PIK3C2A: variants seen among roughly 807,000 people sequenced by gnomAD.
PIK3C2A encodes the protein phosphatidylinositol 4-phosphate 3-kinase C2 domain-containing subunit alpha.
PIK3C2A carries 97 observed loss-of-function variants against 204.5 expected under a neutral mutation model. The observed-to-expected ratio is 0.47, with a 90% CI of 0.40 to 0.56. PIK3C2A has a LOEUF of 0.56. Ranked by LOEUF, PIK3C2A falls within the 20% of genes least tolerant of loss-of-function variation. The pLI, the probability that PIK3C2A is intolerant of heterozygous loss-of-function variation, is 0.00. For synonymous variants in PIK3C2A, 653 were observed against 664.4 expected (o/e 0.98, Z 0.26); for missense variants, 1,735 against 1,969.2 (o/e 0.88, Z 2.25).
At position 17,088,339 on chromosome 11, in the gene PIK3C2A, C is replaced by T. The variant is rs1417674826; in HGVS notation, c.*1399G>A. The T allele has an allele frequency of 6.6e-6, 1 of 152,268 alleles. No individual in the cohort carries two copies. Among genetic ancestry groups the T allele is most frequent in the Non-Finnish European group, 1.5e-5 (1 of 68,170 alleles). 9.4% of individuals were successfully genotyped at this position (152,268 alleles called of 1,614,324 possible). ...TCTCGGCTCACTGCAACCTCCGCCT[C>T]CTGGGTTCAAGCGATTCTCCTGCCT... On this transcript the variant is annotated 3_prime_UTR_variant, in exon 33 of 33. Coordinates refer to ENST00000691414, the MANE Select transcript of PIK3C2A (RefSeq NM_002645.4).
At chr11:17,173,873 G>A (rs1477502653) in intron 1 of PIK3C2A, among the ~76,000 whole-genome samples, 1 of 152,154 alleles carries the variant, frequency 6.6e-6, no homozygotes, top group Non-Finnish European at 1.5e-5. Flanking sequence ...CACAGTCTCG[G>A]CTCACTGCAA....
At chr11:17,090,215 T>TC (rs2137256571) in intron 32 of PIK3C2A, among the ~76,000 whole-genome samples, 1 of 152,346 alleles carries the variant, frequency 6.6e-6, no homozygotes, top group South Asian at 2.1e-4. Flanking sequence ...ACGCCTGTAA[T>TC]CCCAGCACTT....
chr11:17,137,948 T>G (rs545383798), intron 8 of PIK3C2A: 2 of 462,572 alleles, frequency 4.3e-6, no homozygotes, highest in Admixed American at 2.9e-5. Flanking sequence ...AGTCTTTTAA[T>G]TTTTATTACT....
At chr11:17,179,308 T>G (rs1851451843) in intron 1 of PIK3C2A, among the ~76,000 whole-genome samples, 2 of 152,016 alleles carry the variant, frequency 1.3e-5, no homozygotes. Flanking sequence ...ACTACAGGCA[T>G]GTACTACTAC....
intron 13 of PIK3C2A, among the ~76,000 whole-genome samples, chr11:17,123,390 A>C (rs1026986709): frequency 1.3e-5 from 2 of 150,268 alleles, no homozygotes; most frequent in Non-Finnish European, 3.0e-5. Flanking sequence ...CTAGGACTAT[A>C]GGCACGTGGC....
intron 1 of PIK3C2A, among the ~76,000 whole-genome samples, chr11:17,191,881 C>T (rs1489853666): frequency 2.7e-5 from 4 of 150,226 alleles, no homozygotes; most frequent in Non-Finnish European, 2.9e-5. Flanking sequence ...GCCTGTACTA[C>T]GAACACTTTG....
At chr11:17,132,621 G>A (rs1228478357) in intron 11 of PIK3C2A, among the ~76,000 whole-genome samples, 2 of 151,712 alleles carry the variant, frequency 1.3e-5, no homozygotes, top group Non-Finnish European at 2.9e-5. Context: ...GAGCCACCGC[G>A]CCCGGCCAAT....
chr11:17,131,868 AAAC>A (rs1366878526), intron 12 of PIK3C2A, 45 bp downstream of exon 12: 6 of 1,522,978 alleles, frequency 3.9e-6, no homozygotes, highest in Middle Eastern at 3.4e-4. Context: ...TGGAAAAAGT[AAAC>A]AACAGGACAC....
intron 1 of PIK3C2A, among the ~76,000 whole-genome samples, chr11:17,178,231 A>G (rs1851406639): frequency 6.6e-6 from 1 of 152,170 alleles, no homozygotes; most frequent in Non-Finnish European, 1.5e-5. Context: ...AAAAATATGA[A>G]ATATTTTATG....
chr11:17,117,649 C>G lies in PIK3C2A; in HGVS notation c.3058G>C (p.Asp1020His). 6.3e-7 allele frequency: 1 copy of G among 1,588,398 alleles called. No homozygotes were observed. The highest frequency in any genetic ancestry group is 8.6e-7 in the Non-Finnish European group (1 of 1,164,356). ...LYWLLKDALH[D>H]VQFSTRYEHV... ...TCGTATCGGGTACTAAACTGTACATCATGCAGGGCATCTTTGAGAAGCCTA... is the reference window on the plus strand; with the variant it reads ...TCGTATCGGGTACTAAACTGTACATGATGCAGGGCATCTTTGAGAAGCCTA... Residue 1020 changes from aspartate to histidine, a missense_variant, in exon 19 of 33, where the codon GAT becomes CAT. Around this residue, in one of 6 missense-constraint regions of PIK3C2A, gnomAD observed 567 missense variants for 576.0 expected, o/e 0.98. Coordinates refer to ENST00000691414, the MANE Select transcript of PIK3C2A (RefSeq NM_002645.4).
chr11:17,122,571 T>C (rs1042977888), intron 14 of PIK3C2A, 131 bp downstream of exon 14: 9 of 639,584 alleles, frequency 1.4e-5, no homozygotes, highest in Middle Eastern at 2.8e-4. Context: ...GATATTAAAA[T>C]AGAAGATAGA....
chr11:17,197,826 G>A (rs1830124069), intron 1 of PIK3C2A, among the ~76,000 whole-genome samples: 2 of 152,120 alleles, frequency 1.3e-5, no homozygotes, highest in African/African-American at 4.8e-5. Context: ...TGTGTTAAAT[G>A]TTATGGTATA....
chr11:17,090,024 CA>C, intron 32 of PIK3C2A, 104 bp from the exon 33 acceptor site: 1 of 776,638 alleles, frequency 1.3e-6, no homozygotes, highest in Non-Finnish European at 2.1e-6. Context: ...AGAGTGACCA[CA>C]ATGAGTGACA....
intron 27 of PIK3C2A, among the ~76,000 whole-genome samples, chr11:17,096,784 C>T (rs1848467773): frequency 6.6e-6 from 1 of 152,162 alleles, no homozygotes; most frequent in Admixed American, 6.6e-5. Flanking sequence ...GGAACTTTGA[C>T]TTTTTACTTT....
In PIK3C2A at chr11:17,172,106, G is replaced by C. The variant is rs533008185; in HGVS notation, c.-65-2300C>G. Among the ~76,000 whole-genome samples the C allele has an allele frequency of 9.2e-5, 14 of 152,290 alleles. No individual in the cohort carries two copies. The East Asian group carries it at 2.7e-3, about 29-fold the overall frequency. On this transcript the variant is annotated intron_variant, in intron 1 of 32. Transcript: ENST00000691414. The stretch of plus-strand genomic sequence containing the variant: ...ATAAAAGGCTGGATAGTAGGGAATA[G>C]GAGGAGCACAAATTCCTCCCATTTC...
In PIK3C2A at chr11:17,094,360, T is replaced by C. The variant is rs760240104; in HGVS notation, c.4352A>G (p.Glu1451Gly). The change falls in exon 28 of 33, where the codon GAA becomes GGA. Residue 1451 changes from glutamate to glycine, a missense_variant. Around this residue, in one of 6 missense-constraint regions of PIK3C2A, gnomAD observed 503 missense variants for 669.0 expected, o/e 0.75. Coordinates refer to ENST00000691414, the MANE Select transcript of PIK3C2A (RefSeq NM_002645.4). ...HYIYVVRILR[E>G]GQIEPSFVFR... Reference sequence around the variant, plus strand: ...GACAAATGATGGTTCAATCTGTCCTTCCCTCAAAATTCGGACTACATAAAT... The same window carrying C: ...GACAAATGATGGTTCAATCTGTCCTCCCCTCAAAATTCGGACTACATAAAT... 6 of 1,609,794 alleles carry C rather than the reference T, an allele frequency of 3.7e-6. No homozygotes were observed. In the East Asian group the frequency reaches 1.1e-4, roughly 30 times the overall value.
chr11:17,202,931 CTTA>C (rs1852440068), intron 1 of PIK3C2A, among the ~76,000 whole-genome samples: 1 of 152,122 alleles, frequency 6.6e-6, no homozygotes, highest in Non-Finnish European at 1.5e-5. Flanking sequence ...AACAGAAAGC[CTTA>C]TGTTTAACAG....
At position 17,089,650 on chromosome 11, in the gene PIK3C2A, AGTGTGTGTGTGTGTGTCT is replaced by A. The variant is rs1373886494; in HGVS notation, c.*70_*87del. On this transcript the variant is annotated 3_prime_UTR_variant, in exon 33 of 33. Coordinates refer to ENST00000691414, the MANE Select transcript of PIK3C2A (RefSeq NM_002645.4). ...ATAAAAATACTATACAAAATTAACAAGTGTGTGTGTGTGTGTCTGTGTGTGTGTGCATGTATGCATGCA... is the reference window on the plus strand; with the variant it reads ...ATAAAAATACTATACAAAATTAACAAGTGTGTGTGTGCATGTATGCATGCA... 1 of 680,556 alleles carries A rather than the reference AGTGTGTGTGTGTGTGTCT, an allele frequency of 1.5e-6. No individual in the cohort carries two copies. The highest frequency in any genetic ancestry group is 1.8e-5 in the African/African-American group (1 of 54,812). 42.2% of individuals were successfully genotyped at this position (680,556 alleles called of 1,614,324 possible).
chr11:17,140,427 T>C (rs1459283355), intron 8 of PIK3C2A, among the ~76,000 whole-genome samples: 2 of 152,190 alleles, frequency 1.3e-5, no homozygotes, highest in Non-Finnish European at 2.9e-5. Context: ...GCTAATCATT[T>C]GGCAAATAAA....
Sources: gnomAD v4.1 joint callset for allele counts (sites outside exome capture counted in the v4.1 genomes callset) on GRCh38, gnomAD v4.1.1 for gene constraint, gnomAD v4.1.1 regional missense constraint, MANE v1.5 for transcripts, NCBI Gene and HGNC (gene_info 2026-07-23, HGNC 2026-07-21) for gene names.